Variants in FRMD1 observed in about 807,000 individuals in gnomAD.
FRMD1 encodes FERM domain-containing protein 1.
Under a neutral mutation model 54.9 loss-of-function variants are expected in FRMD1, and 51 were observed. The observed-to-expected ratio is 0.93, with a 90% CI of 0.74 to 1.17. The LOEUF is 1.17. Among genes scored for constraint, FRMD1 ranks in the 50% most tolerant of loss-of-function variants. The probability of loss-of-function intolerance (pLI) is 0.00; values close to 1 mark genes in which losing one functional copy is unlikely to be tolerated. For missense variants in FRMD1, 729 were observed against 743.0 expected (o/e 0.98, Z 0.22); for synonymous variants, 324 against 306.4 (o/e 1.06, Z -0.60).
At chr6:168,081,796 G>T, upstream of FRMD1, 1 of 404,680 alleles carries the variant, frequency 2.5e-6, no homozygotes, top group Non-Finnish European at 4.4e-6. Context: ...AGCAGGGACT[G>T]CAGAGGGGCG....
rs1048567844 is a variant in FRMD1, at chr6:168,056,758, C to T, written c.*339G>A. On this transcript the variant is annotated 3_prime_UTR_variant, in exon 11 of 11. Transcript: ENST00000283309. ...CAGGGTCTGGGCCCAGCTGTGTCAC[C>T]TTCTCTCCCAGATTAGGATGGGTGA... 9.8e-6 allele frequency: 2 copies of T among 203,890 alleles called. No individual in the cohort carries two copies. Among genetic ancestry groups the T allele is most frequent in the African/African-American group, 4.6e-5 (2 of 43,268 alleles). 12.6% of individuals were successfully genotyped at this position (203,890 alleles called of 1,614,324 possible).
rs765799096 is a variant in FRMD1, at chr6:168,066,769, G to A, written c.447C>T (p.Asn149=). Residue 149 remains asparagine, a synonymous_variant, in exon 4 of 11, where the codon AAC becomes AAT. Coordinates refer to ENST00000283309, the MANE Select transcript of FRMD1 (RefSeq NM_024919.6). The stretch of plus-strand genomic sequence containing the variant: ...CATGCCGTTACCTTATGACCCTTCC[G>A]TTTTCCACGTAGTGCTGCACTCGGA... ...AFLRVQHYVE[N]GRVISDHRAR... 2.0e-5 allele frequency: 32 copies of A among 1,613,800 alleles called. No individual in the cohort carries two copies. The highest frequency in any genetic ancestry group is 3.3e-4 in the Middle Eastern group (2 of 6,060).
rs1425802053 is a variant in FRMD1 at position 168,053,581 on chromosome 6, AGGCGAAAGGAGCGTGAC to A, written c.*3499_*3515del. On this transcript the variant is annotated 3_prime_UTR_variant, in exon 11 of 11. Transcript: ENST00000283309. ...CCCACAGGGCCCTCAGTGCCCCTCA[AGGCGAAAGGAGCGTGAC>A]GGATGAACCCTGAGTGGAAGGGGCC... is the stretch of plus-strand genomic sequence containing the variant. 2 of 152,290 alleles carry A rather than the reference AGGCGAAAGGAGCGTGAC, an allele frequency of 1.3e-5. No homozygotes were observed. Among genetic ancestry groups the A allele is most frequent in the African/African-American group, 4.8e-5 (2 of 41,462 alleles). The allele number at this position is 152,290 out of a possible 1,614,324, so 9.4% of individuals were successfully genotyped here.
At chr6:168,087,076 T>G (rs966436126) in intron 1 of FRMD1, among the ~76,000 whole-genome samples, 1 of 152,136 alleles carries the variant, frequency 6.6e-6, no homozygotes, top group Non-Finnish European at 1.5e-5. Context: ...TTCACTTTTT[T>G]TTTTTTCTTC....
rs9355158 is a variant in FRMD1, at chr6:168,057,751, A to G, written c.1408-412T>C. On this transcript the variant is annotated intron_variant, in intron 10 of 10. Transcript: ENST00000283309. ...GTCTGGGTTCAGAGGTGACTGTCCA[A>G]GGTCCCGTCCAGGTGGGCGGCCAGC... 1.1e-3 allele frequency: 213 copies of G among 199,156 alleles called. 4 individuals carry two copies. In the East Asian group the frequency reaches 0.034, roughly 31 times the overall value. The allele number at this position is 199,156 out of a possible 1,614,324, so 12.3% of individuals were successfully genotyped here.
At chr6:168,084,243 G>A (rs1207368847), upstream of FRMD1, among the ~76,000 whole-genome samples, 24 of 152,172 alleles carry the variant, frequency 1.6e-4, no homozygotes, top group Non-Finnish European at 5.9e-5. Context: ...GCATCATGAA[G>A]GCATGAAACC....
At chr6:168,073,365 T>C (rs1471821760) in intron 2 of FRMD1, among the ~76,000 whole-genome samples, 1 of 152,182 alleles carries the variant, frequency 6.6e-6, no homozygotes, top group Non-Finnish European at 1.5e-5. Flanking sequence ...CAGGGGCTCA[T>C]GGTGTCCACT....
At chr6:168,070,722 G>C (rs1480718861) in intron 2 of FRMD1, among the ~76,000 whole-genome samples, 1 of 152,220 alleles carries the variant, frequency 6.6e-6, no homozygotes, top group Non-Finnish European at 1.5e-5. Context: ...GGGATCGGAA[G>C]GATACGTGTA....
chr6:168,071,169 G>T (rs1261056256), intron 2 of FRMD1, among the ~76,000 whole-genome samples: 3 of 152,206 alleles, frequency 2.0e-5, no homozygotes, highest in African/African-American at 7.2e-5. Context: ...GAGGGCCAAG[G>T]CCAGGCCAGG....
In FRMD1 at chr6:168,060,987, C is replaced by T. The variant is rs142927138; in HGVS notation, c.1116G>A (p.Pro372=). The change falls in exon 9 of 11, where the codon CCG becomes CCA. Residue 372 remains proline, a synonymous_variant. Coordinates refer to ENST00000283309, the MANE Select transcript of FRMD1 (RefSeq NM_024919.6). ...LELDLASRSF[P]GSGVSSQHCP... is the part of the protein sequence containing the mutation. ...AGTGCTGGCTGCTGACCCCACTGCCCGGGAAGCTCCTGCTGGCCAGGTCCA... is the reference window on the plus strand; with the variant it reads ...AGTGCTGGCTGCTGACCCCACTGCCTGGGAAGCTCCTGCTGGCCAGGTCCA... 1.8e-4 allele frequency: 294 copies of T among 1,613,054 alleles called. 2 individuals carry two copies. In the African/African-American group the frequency reaches 3.5e-3, roughly 19 times the overall value.
In FRMD1 at chr6:168,079,054, C is replaced by G. The variant is rs148792644; in HGVS notation, c.41G>C (p.Arg14Pro). ...PPRGRGIDPA[R>P]TNPDTFPPSG... is the part of the protein sequence containing the mutation. The stretch of plus-strand genomic sequence containing the variant: ...AGGAGGGAACGTGTCAGGGTTTGTC[C>G]GGGCGGGGTCTATGCCCCTCCCTCT... The change falls in exon 1 of 11, where the codon CGG becomes CCG. Residue 14 changes from arginine to proline, a missense_variant. Physicochemically the swap from Arg to Pro is moderately radical, Grantham distance 103 (BLOSUM62 -2). Coordinates refer to ENST00000283309, the MANE Select transcript of FRMD1 (RefSeq NM_024919.6). 3.7e-6 allele frequency: 6 copies of G among 1,609,976 alleles called. No homozygotes were observed. Among genetic ancestry groups the G allele is most frequent in the Admixed American group, 1.7e-5 (1 of 59,988 alleles).
upstream of FRMD1, among the ~76,000 whole-genome samples, chr6:168,080,623 G>A (rs537670645): frequency 3.9e-5 from 6 of 152,282 alleles, no homozygotes; most frequent in Admixed American, 2.0e-4. Flanking sequence ...ATGCCTGGGC[G>A]CAGGACAGTG....
At chr6:168,085,377 GA>G (rs1270519559), upstream of FRMD1, among the ~76,000 whole-genome samples, 1 of 152,244 alleles carries the variant, frequency 6.6e-6, no homozygotes, top group Non-Finnish European at 1.5e-5. Flanking sequence ...AGGCCGCCTG[GA>G]GGGAGGGAGA....
chr6:168,076,840 GAC>G (rs1386736639), intron 1 of FRMD1, among the ~76,000 whole-genome samples: 2 of 152,242 alleles, frequency 1.3e-5, no homozygotes, highest in Non-Finnish European at 2.9e-5. Context: ...AACTGGGCTT[GAC>G]ACATATTTGG....
upstream of FRMD1, among the ~76,000 whole-genome samples, chr6:168,082,015 A>C (rs1264941562): frequency 2.0e-5 from 3 of 152,238 alleles, no homozygotes; most frequent in Non-Finnish European, 2.9e-5. Flanking sequence ...CCATAGGTCA[A>C]CCCATTCCAC....
At chr6:168,072,852 C>T (rs903081838) in intron 2 of FRMD1, among the ~76,000 whole-genome samples, 2 of 152,188 alleles carry the variant, frequency 1.3e-5, no homozygotes, top group Non-Finnish European at 2.9e-5. Flanking sequence ...ATGACACCAA[C>T]CACAAAACCG....
chr6:168,091,436 AG>A (rs1224098332), intron 1 of FRMD1, among the ~76,000 whole-genome samples: 10 of 152,162 alleles, frequency 6.6e-5, no homozygotes, highest in African/African-American at 2.4e-4. Context: ...GTCCTCCTCA[AG>A]TCCTCGCCCC....
chr6:168,060,872 TG>T lies in FRMD1; in HGVS notation c.1230del (p.Arg411GlufsTer63). The T allele has an allele frequency of 6.2e-7, 1 of 1,613,816 alleles. No homozygotes were observed. Among genetic ancestry groups the T allele is most frequent in the South Asian group, 1.1e-5 (1 of 91,090 alleles). On this transcript the variant is annotated frameshift_variant, in exon 9 of 11. Transcript: ENST00000283309. LOFTEE classifies it high-confidence loss of function. Reference sequence around the variant, plus strand: ...AAGGGCACGTCCACAGACATCTCTCTGGATTCCCTGAGCCAGGAGTTGGCCT... The same window carrying T: ...AAGGGCACGTCCACAGACATCTCTCTGATTCCCTGAGCCAGGAGTTGGCCT... ...GIKANSWLRESREMSVDVPLE... is the reference protein window; with the variant it reads ...GIKANSWLREXREMSVDVPLE...
Position 168,057,249 on chromosome 6 carries a change from G to T in FRMD1, c.1498C>A (p.Pro500Thr). ...TGGAAGGTATGGCTGAGTGAGGTGG[G>T]CGCTGGGTGCAGGGCCAGCTGGTGC... is the stretch of plus-strand genomic sequence containing the variant. ...QLHQLALHPAPTSLSHTFHRA... is the reference protein window; with the variant it reads ...QLHQLALHPATTSLSHTFHRA... Residue 500 changes from proline (P) to threonine (T), a missense_variant, in exon 11 of 11, where the codon CCC becomes ACC. Physicochemically the swap from Pro to Thr is conservative, Grantham distance 38. Transcript: ENST00000283309. The T allele has an allele frequency of 1.9e-6, 3 of 1,610,810 alleles. No homozygotes were observed. Among genetic ancestry groups the T allele is most frequent in the Non-Finnish European group, 1.7e-6 (2 of 1,178,964 alleles).
Sources: gnomAD v4.1 joint callset for allele counts (sites outside exome capture counted in the v4.1 genomes callset) on GRCh38, gnomAD v4.1.1 for gene constraint, MANE v1.5 for transcripts, NCBI Gene and HGNC (gene_info 2026-07-23, HGNC 2026-07-21) for gene names.